The following SUGCT variants were observed in gnomAD, a reference collection of about 807,000 sequenced individuals.
The protein encoded by SUGCT is succinyl-CoA:glutarate CoA-transferase.
SUGCT carries 41 observed loss-of-function variants against 55.0 expected under a neutral mutation model. That is an observed-to-expected ratio of 0.74 (90% CI 0.58 to 0.97). The LOEUF (loss-of-function observed/expected upper bound fraction) is 0.97, where lower values mean the gene tolerates loss of function less well. Among genes scored for constraint, SUGCT ranks in the 50% least tolerant of loss-of-function variants. The pLI, the probability that SUGCT is intolerant of heterozygous loss-of-function variation, is 0.00. For missense variants in SUGCT, 568 were observed against 547.8 expected (o/e 1.04, Z -0.37); for synonymous variants, 187 against 200.4 (o/e 0.93, Z 0.56).
intron 7 of SUGCT, among the ~76,000 whole-genome samples, chr7:40,242,933 A>ATATATATATATATATATATATATATT (rs1270335224): frequency 5.8e-5 from 1 of 17,216 alleles, no homozygotes; most frequent in East Asian, 3.8e-3. Context: ...ATATATATAT[A>ATATATATATATATATATATATATATT]TTTTTTTTTT....
intron 12 of SUGCT, among the ~76,000 whole-genome samples, chr7:40,557,426 T>C (rs1795607303): frequency 6.6e-6 from 1 of 151,918 alleles, no homozygotes; most frequent in African/African-American, 2.4e-5. Context: ...GGCAACAAAA[T>C]AAAAAATAGA....
chr7:40,446,905 A>G (rs1788870298), intron 9 of SUGCT, among the ~76,000 whole-genome samples: 1 of 152,210 alleles, frequency 6.6e-6, no homozygotes, highest in Admixed American at 6.5e-5. Context: ...CTTGATATTT[A>G]GCTAGTGTGA....
At chr7:40,257,899 T>G (rs534933614) in intron 7 of SUGCT, among the ~76,000 whole-genome samples, 1 of 152,106 alleles carries the variant, frequency 6.6e-6, no homozygotes, top group South Asian at 2.1e-4. Context: ...TAAATAAAAT[T>G]TAAGTATCAT....
intron 12 of SUGCT, among the ~76,000 whole-genome samples, chr7:40,503,241 G>C (rs975658010): frequency 6.6e-6 from 1 of 152,112 alleles, no homozygotes; most frequent in Admixed American, 6.5e-5. Context: ...TGCAAACACT[G>C]AATATTGTTA....
intron 13 of SUGCT, among the ~76,000 whole-genome samples, chr7:40,807,029 A>C (rs1791136712): frequency 6.6e-6 from 1 of 152,212 alleles, no homozygotes; most frequent in African/African-American, 2.4e-5. Flanking sequence ...GAGTTCATGC[A>C]TGTAAAGCAC....
At chr7:40,916,711 ATG>A in the SUGCT span, among the ~76,000 whole-genome samples, 1 of 152,202 alleles carries the variant, frequency 6.6e-6, no homozygotes, top group Non-Finnish European at 1.5e-5. Flanking sequence ...ATGTGTTTGT[ATG>A]TATGTGTACA....
the SUGCT span, among the ~76,000 whole-genome samples, chr7:40,944,586 G>C: frequency 4.7e-4 from 72 of 152,228 alleles, no homozygotes; most frequent in African/African-American, 1.6e-3. Context: ...AGATCAGATA[G>C]TTGTAGATAT....
At position 40,592,074 on chromosome 7, in the gene SUGCT, A is replaced by AT. The variant is rs1227276154; in HGVS notation, c.1089+95695dup. On this transcript the variant is annotated intron_variant, in intron 12 of 13. Coordinates refer to ENST00000335693, the MANE Select transcript of SUGCT (RefSeq NM_001193313.2). ...TAGAAAAACTTTGCAAAAAGACAGAATTTTTTTACTGTAGAAAGTGTCAAA... is the reference window on the plus strand; with the variant it reads ...TAGAAAAACTTTGCAAAAAGACAGAATTTTTTTTACTGTAGAAAGTGTCAAA... 2.0e-5 allele frequency among the ~76,000 whole-genome samples: 3 copies of AT among 152,156 alleles called. No individual in the cohort carries two copies. In the East Asian group the frequency reaches 5.8e-4, roughly 29 times the overall value.
intron 8 of SUGCT, among the ~76,000 whole-genome samples, chr7:40,297,650 C>A (rs1794249635): frequency 6.6e-6 from 1 of 152,254 alleles, no homozygotes; most frequent in East Asian, 1.9e-4. Flanking sequence ...TACACTGAAA[C>A]AAAGCTCAAC....
chr7:40,666,669 A>G (rs952573915), intron 12 of SUGCT, among the ~76,000 whole-genome samples: 3 of 152,206 alleles, frequency 2.0e-5, no homozygotes, highest in Admixed American at 2.0e-4. Flanking sequence ...GACTTCAGAT[A>G]TAATACATTT....
intron 5 of SUGCT, among the ~76,000 whole-genome samples, chr7:40,191,169 A>G (rs1258475025): frequency 6.6e-6 from 1 of 152,120 alleles, no homozygotes; most frequent in Non-Finnish European, 1.5e-5. Flanking sequence ...GGTATGTGCC[A>G]CCATGCCCGG....
intron 12 of SUGCT, among the ~76,000 whole-genome samples, chr7:40,670,477 C>T (rs947964299): frequency 2.0e-5 from 3 of 152,164 alleles, no homozygotes; most frequent in Non-Finnish European, 4.4e-5. Context: ...GATATTACTA[C>T]AGACCTTGCA....
At chr7:40,525,989 C>G (rs972265472) in intron 12 of SUGCT, among the ~76,000 whole-genome samples, 3 of 152,126 alleles carry the variant, frequency 2.0e-5, no homozygotes, top group Non-Finnish European at 4.4e-5. Flanking sequence ...TGGACTCACT[C>G]CAGCTCCCAA....
chr7:40,217,955 T>A (rs1487862098), intron 6 of SUGCT, among the ~76,000 whole-genome samples: 1 of 152,186 alleles, frequency 6.6e-6, no homozygotes, highest in Non-Finnish European at 1.5e-5. Flanking sequence ...GGCTCACACC[T>A]GTAATCCTAG....
intron 12 of SUGCT, among the ~76,000 whole-genome samples, chr7:40,529,129 T>A (rs1793954940): frequency 6.6e-6 from 1 of 152,182 alleles, no homozygotes; most frequent in Non-Finnish European, 1.5e-5. Context: ...TCAAGAAATT[T>A]GGCAGAACAG....
At chr7:40,965,925 T>C in the SUGCT span, 4 of 152,230 alleles carry the variant, frequency 2.6e-5, no homozygotes, top group Admixed American at 6.5e-5. Context: ...AATTCAGTCA[T>C]TGTAATGGCC....
intron 13 of SUGCT, among the ~76,000 whole-genome samples, chr7:40,855,964 G>C (rs1345511471): frequency 6.6e-6 from 1 of 152,130 alleles, no homozygotes; most frequent in African/African-American, 2.4e-5. Context: ...AAATGTTATT[G>C]CAGATCCAAA....
chr7:40,584,462 A>G (rs1335967670), intron 12 of SUGCT, among the ~76,000 whole-genome samples: 1 of 152,170 alleles, frequency 6.6e-6, no homozygotes. Flanking sequence ...TTTAGAAGTG[A>G]AGTTGGAAAA....
At chr7:40,944,457 A>G in the SUGCT span, among the ~76,000 whole-genome samples, 7 of 151,642 alleles carry the variant, frequency 4.6e-5, no homozygotes, top group African/African-American at 7.3e-5. Context: ...TAATTTTTGT[A>G]TAAGGTGTAA....
Sources: gnomAD v4.1 joint callset for allele counts (sites outside exome capture counted in the v4.1 genomes callset) on GRCh38, gnomAD v4.1.1 for gene constraint, MANE v1.5 for transcripts, NCBI Gene and HGNC (gene_info 2026-07-23, HGNC 2026-07-21) for gene names.